The following MARCHF1 variants were observed in gnomAD, a reference collection of about 807,000 sequenced individuals.
The protein encoded by MARCHF1 is E3 ubiquitin-protein ligase MARCHF1.
MARCHF1 carries 40 observed loss-of-function variants against 54.2 expected under a neutral mutation model. The observed-to-expected ratio is 0.74, with a 90% CI of 0.57 to 0.96. MARCHF1 has a LOEUF of 0.96. Ranked by LOEUF, MARCHF1 falls within the 40% of genes least tolerant of loss-of-function variation. The probability of loss-of-function intolerance (pLI) is 0.00; values close to 1 mark genes in which losing one functional copy is unlikely to be tolerated. For missense variants in MARCHF1, 586 were observed against 656.5 expected, an observed-to-expected ratio of 0.89 and a Z score of 1.17; for synonymous variants, 236 against 236.3, an observed-to-expected ratio of 1.00 and a Z score of 0.01.
At chr4:163,869,307 T>G (rs575970257) in intron 3 of MARCHF1, among the ~76,000 whole-genome samples, 30 of 152,244 alleles carry the variant, frequency 2.0e-4, no homozygotes, top group African/African-American at 6.7e-4. Flanking sequence ...AACAGAAGGC[T>G]GTTCTTTAGG....
intron 1 of MARCHF1, among the ~76,000 whole-genome samples, chr4:164,120,392 C>T (rs528543084): frequency 2.6e-5 from 4 of 152,224 alleles, no homozygotes; most frequent in African/African-American, 9.6e-5. Context: ...TAGCTGGCAA[C>T]TTCAACAACC....
chr4:164,338,535 C>T (rs1338725616), intron 1 of MARCHF1, among the ~76,000 whole-genome samples: 1 of 152,086 alleles, frequency 6.6e-6, no homozygotes, highest in Non-Finnish European at 1.5e-5. Flanking sequence ...GATACTACTT[C>T]AGCTTTAAGA....
rs555508839 is a variant in MARCHF1, at chr4:163,553,994, C to T, written c.1192-8251G>A. On this transcript the variant is annotated intron_variant, in intron 8 of 9. Transcript: ENST00000514618. ...TCACTTGGATTTCTATACATGAAGA[C>T]TCTTTTACTTTTCAAAAACATTTTT... Among the ~76,000 whole-genome samples the T allele has an allele frequency of 2.7e-3, 418 of 152,256 alleles. 1 individual carries two copies. The highest frequency in any genetic ancestry group is 9.7e-3 in the African/African-American group (403 of 41,554).
chr4:164,005,615 C>T (rs1457540977), intron 2 of MARCHF1, among the ~76,000 whole-genome samples: 1 of 152,112 alleles, frequency 6.6e-6, no homozygotes, highest in Non-Finnish European at 1.5e-5. Flanking sequence ...TTACAGGAGA[C>T]CTGTCCCTGC....
At chr4:164,168,689 C>CAA (rs1380828218) in intron 1 of MARCHF1, among the ~76,000 whole-genome samples, 1 of 151,182 alleles carries the variant, frequency 6.6e-6, no homozygotes, top group Non-Finnish European at 1.5e-5. Flanking sequence ...CACACACACA[C>CAA]AAACACATAG....
rs1312372259 is a variant in MARCHF1 at position 163,985,168 on chromosome 4, C to G, written c.-39+3333G>C. Among the ~76,000 whole-genome samples, 3 of 146,634 alleles carry G rather than the reference C, an allele frequency of 2.0e-5. No homozygotes were observed. The East Asian group carries it at 6.4e-4, about 31-fold the overall frequency. ...AAATTTTCTGTAGCTTCATAATGGA[C>G]CAATATCTACTCACTTCATAAGAAG... On this transcript the variant is annotated intron_variant, in intron 3 of 9. Transcript: ENST00000514618.
At chr4:163,652,283 A>G (rs1742994548) in intron 5 of MARCHF1, among the ~76,000 whole-genome samples, 1 of 151,832 alleles carries the variant, frequency 6.6e-6, no homozygotes, top group Non-Finnish European at 1.5e-5. Context: ...ACACTTCTAT[A>G]GCTCCCTGTT....
At chr4:163,891,518 AT>A (rs1750660027) in intron 3 of MARCHF1, among the ~76,000 whole-genome samples, 1 of 152,052 alleles carries the variant, frequency 6.6e-6, no homozygotes, top group African/African-American at 2.4e-5. Context: ...GCCTACAGAA[AT>A]TTATGAACTC....
intron 3 of MARCHF1, among the ~76,000 whole-genome samples, chr4:163,932,084 C>T (rs75435846): frequency 9.6e-4 from 144 of 149,324 alleles, no homozygotes; most frequent in African/African-American, 3.0e-3. Context: ...AAACAATGTA[C>T]GTAATTTAAT....
Position 163,612,890 on chromosome 4 carries a change from C to T in MARCHF1, c.391G>A (p.Ala131Thr), listed in dbSNP as rs1290222387. The change falls in exon 7 of 10, where the codon GCT (alanine) becomes ACT (threonine). Residue 131 changes from alanine (A) to threonine (T), a missense_variant. This residue lies in a region of MARCHF1 where 387 missense variants were observed against 394.6 expected (regional missense o/e 0.98). Coordinates refer to ENST00000514618, the MANE Select transcript of MARCHF1 (RefSeq NM_001394959.1). ...RRKASERYEH[A>T]AEEQIRGRKN... ...CTCCCTCTTATTTGTTCTTCTGCAG[C>T]ATGCTCATATCTCTCAGAGGCTTTT... The T allele has an allele frequency of 6.5e-7, 1 of 1,535,500 alleles. No individual in the cohort carries two copies. The highest frequency in any genetic ancestry group is 2.0e-5 in the Admixed American group (1 of 50,958).
chr4:164,169,410 C>A (rs1730466883), intron 1 of MARCHF1, among the ~76,000 whole-genome samples: 1 of 151,960 alleles, frequency 6.6e-6, no homozygotes, highest in Non-Finnish European at 1.5e-5. Context: ...CCATCACAGT[C>A]CAAATGAAGT....
At chr4:164,128,875 T>C (rs1756242431) in intron 1 of MARCHF1, among the ~76,000 whole-genome samples, 1 of 152,158 alleles carries the variant, frequency 6.6e-6, no homozygotes, top group South Asian at 2.1e-4. Flanking sequence ...GTCATCTCAC[T>C]CAGACTCCAA....
chr4:163,801,754 T>C (rs2110975354), intron 4 of MARCHF1, among the ~76,000 whole-genome samples: 1 of 152,254 alleles, frequency 6.6e-6, no homozygotes, highest in South Asian at 2.1e-4. Flanking sequence ...TTTTAAAATT[T>C]CATACAAATA....
intron 1 of MARCHF1, chr4:164,197,774 C>T (rs2111073811): frequency 1.9e-6 from 3 of 1,607,366 alleles, no homozygotes; most frequent in East Asian, 4.5e-5. Flanking sequence ...AAACCTCGAA[C>T]CCACGGCCGC....
At chr4:164,051,936 T>C (rs1325683607) in intron 2 of MARCHF1, among the ~76,000 whole-genome samples, 4 of 152,184 alleles carry the variant, frequency 2.6e-5, no homozygotes, top group Non-Finnish European at 5.9e-5. Flanking sequence ...CAAAAGAATT[T>C]TGATTTGCAG....
chr4:164,026,988 T>C lies in MARCHF1; in HGVS notation c.-247-38279A>G, dbSNP rs919964571. ...ATCAATAATATAATCCCATTTACAA[T>C]AGCCACAAAAAATGAAATACCTAGT... is the stretch of plus-strand genomic sequence containing the variant. On this transcript the variant is annotated intron_variant, in intron 2 of 9. Coordinates refer to ENST00000514618, the MANE Select transcript of MARCHF1 (RefSeq NM_001394959.1). 5.9e-5 allele frequency among the ~76,000 whole-genome samples: 9 copies of C among 151,964 alleles called. No individual in the cohort carries two copies. In the East Asian group the frequency reaches 1.5e-3, roughly 26 times the overall value.
At chr4:163,766,511 T>C (rs1228382936) in intron 4 of MARCHF1, among the ~76,000 whole-genome samples, 13 of 152,168 alleles carry the variant, frequency 8.5e-5, no homozygotes, top group Non-Finnish European at 1.2e-4. Context: ...ACAGGTCCAA[T>C]ATATTTGCAC....
At chr4:163,658,107 G>A (rs1432810366) in intron 5 of MARCHF1, among the ~76,000 whole-genome samples, 3 of 151,970 alleles carry the variant, frequency 2.0e-5, no homozygotes, top group Non-Finnish European at 4.4e-5. Flanking sequence ...TATCATCAGA[G>A]CAAACAGGCA....
chr4:163,653,647 CAGAT>C (rs1743046038), intron 5 of MARCHF1, among the ~76,000 whole-genome samples: 1 of 151,470 alleles, frequency 6.6e-6, no homozygotes, highest in African/African-American at 2.4e-5. Context: ...GTTTGAATGT[CAGAT>C]AGGAGAAAAA....
Sources: allele counts gnomAD v4.1 joint callset (sites outside exome capture counted in the v4.1 genomes callset), GRCh38; gene constraint gnomAD v4.1.1; regional missense constraint gnomAD v4.1.1; transcripts MANE v1.5; gene names NCBI Gene and HGNC (gene_info 2026-07-23, HGNC 2026-07-21).